RPS3: variants seen among roughly 807,000 people sequenced by gnomAD.
RPS3 encodes small ribosomal subunit protein uS3.
In RPS3, 2 loss-of-function variants were observed where a neutral mutation model predicts 25.8. The ratio of observed to expected loss-of-function variants is 0.08; its 90% confidence interval spans 0.03 to 0.24. The LOEUF (loss-of-function observed/expected upper bound fraction) is 0.24. RPS3 is among the 10% of genes least tolerant of loss of function. The pLI is 1.00. For synonymous variants in RPS3, 114 were observed against 114.2 expected (o/e 1.00, Z 0.01); for missense variants, 107 against 307.1 (o/e 0.35, Z 4.87).
chr11:75,408,063 A>G (rs1268083432), downstream of RPS3, among the ~76,000 whole-genome samples: 1 of 152,252 alleles, frequency 6.6e-6, no homozygotes, highest in Non-Finnish European at 1.5e-5. Flanking sequence ...AATTACCACT[A>G]GGTGGTGCTG....
At chr11:75,401,527 T>G (rs1270769331) in intron 2 of RPS3, 113 bp from the exon 3 acceptor site, 14 of 767,216 alleles carry the variant, frequency 1.8e-5, no homozygotes, top group Non-Finnish European at 2.6e-5. Context: ...TTAGTTTTTG[T>G]CAATGAAAAT....
chr11:75,410,531 C>CATATCCCA (rs1429731235), downstream of RPS3, among the ~76,000 whole-genome samples: 1 of 151,950 alleles, frequency 6.6e-6, no homozygotes, highest in African/African-American at 2.4e-5. Context: ...AGGGGCTCCT[C>CATATCCCA]ATATCCCAGA....
Position 75,404,706 on chromosome 11 carries a change from C to T in RPS3, c.573C>T (p.Pro191=). Residue 191 remains proline (P), a synonymous_variant, in exon 6 of 7, where the codon CCC becomes CCT. Coordinates refer to ENST00000531188, the MANE Select transcript of RPS3 (RefSeq NM_001005.5). The surrounding 1 kb of genome is among the most constrained non-coding windows in gnomAD (Gnocchi z 4.6). ...VLGIKVKIML[P]WDPTGKIGPK... ...GCATCAAGGTGAAGATCATGCTGCC[C>T]TGGGACCCAACTGGTAAGATTGGCC... 1.2e-6 allele frequency: 2 copies of T among 1,613,214 alleles called. No individual in the cohort carries two copies. Among genetic ancestry groups the T allele is most frequent in the East Asian group, 2.2e-5 (1 of 44,870 alleles).
exon 7 of RPS3, chr11:75,422,139 G>C (rs1408445883): frequency 6.2e-6 from 1 of 160,362 alleles, no homozygotes. Context: ...TTATAGGAGA[G>C]GTTGGAGGGA....
At chr11:75,420,942 C>T (rs563264119) in intron 6 of RPS3, among the ~76,000 whole-genome samples, 4 of 152,230 alleles carry the variant, frequency 2.6e-5, no homozygotes, top group Admixed American at 6.5e-5. Context: ...GTAAATGGGG[C>T]GCCCTGCCTG....
rs1190026710 is a variant in RPS3 at position 75,404,975 on chromosome 11, T to G, written c.*3+107T>G. The G allele has an allele frequency of 2.6e-6, 2 of 760,464 alleles. No individual in the cohort carries two copies. Among genetic ancestry groups the G allele is most frequent in the Non-Finnish European group, 4.1e-6 (2 of 491,780 alleles). The allele number at this position is 760,464 out of a possible 1,614,324, so 47.1% of individuals were successfully genotyped here. On this transcript the variant is annotated intron_variant, in intron 6 of 6. Transcript: ENST00000531188. This position sits in a 1 kb window ranked among gnomAD's most constrained non-coding sequence, Gnocchi z 4.6. Reference sequence around the variant, plus strand: ...TGGTAAGCGTTTGGTGAATAAAAATTTCATTTATTTGCTTTATGTGGGAGA... The same window carrying G: ...TGGTAAGCGTTTGGTGAATAAAAATGTCATTTATTTGCTTTATGTGGGAGA...
At position 75,417,586 on chromosome 11, in the gene RPS3, G is replaced by A. The variant is rs551263698; in HGVS notation, c.*4-4141G>A. Among the ~76,000 whole-genome samples, 25 of 152,340 alleles carry A rather than the reference G, an allele frequency of 1.6e-4. No individual in the cohort carries two copies. In the South Asian group the frequency reaches 4.8e-3, roughly 29 times the overall value. The stretch of plus-strand genomic sequence containing the variant: ...CATTCCAGCCTGGGTGACAGAGTGA[G>A]ACTCCGTCACACACACACAAAAATT... On this transcript the variant is annotated intron_variant, in intron 6 of 6. Coordinates refer to the RPS3 transcript ENST00000527446.
intron 3 of RPS3, chr11:75,402,130 G>T: frequency 1.6e-6 from 1 of 613,356 alleles, no homozygotes. Context: ...GGCTACGTTG[G>T]AAGAAGAAAT....
intron 6 of RPS3, among the ~76,000 whole-genome samples, chr11:75,419,243 CT>C (rs1215850120): frequency 6.6e-6 from 1 of 152,170 alleles, no homozygotes; most frequent in Non-Finnish European, 1.5e-5. Flanking sequence ...AACCATGTTT[CT>C]TTTTTGTCTT....
chr11:75,410,542 C>T (rs1239729521), downstream of RPS3, among the ~76,000 whole-genome samples: 1 of 148,030 alleles, frequency 6.8e-6, no homozygotes, highest in African/African-American at 2.5e-5. Context: ...ATATCCCAGA[C>T]GATGGGCGGC....
At position 75,404,691 on chromosome 11, in the gene RPS3, G is replaced by A; in HGVS notation, c.558G>A (p.Val186=). 6.2e-7 allele frequency: 1 copy of A among 1,612,368 alleles called. No homozygotes were observed. The highest frequency in any genetic ancestry group is 1.1e-5 in the South Asian group (1 of 90,856). ...CTCTAGGTGTGCTGGGCATCAAGGTGAAGATCATGCTGCCCTGGGACCCAA... is the reference window on the plus strand; with the variant it reads ...CTCTAGGTGTGCTGGGCATCAAGGTAAAGATCATGCTGCCCTGGGACCCAA... The part of the protein sequence containing the change: ...LLRQGVLGIK[V]KIMLPWDPTG... The change falls in exon 6 of 7, where the codon GTG becomes GTA. Residue 186 remains valine (V), a synonymous_variant. Transcript: ENST00000531188. The surrounding 1 kb of genome is among the most constrained non-coding windows in gnomAD (Gnocchi z 4.6).
rs12277069 is a variant in RPS3 at position 75,417,423 on chromosome 11, G to A, written c.*4-4304G>A. On this transcript the variant is annotated intron_variant, in intron 6 of 6. Coordinates refer to the RPS3 transcript ENST00000527446. ...ATCCTGGCTAACACGGTAAAACCCCGTCTCTACTAAAAATACAAAAAAAAT... is the reference window on the plus strand; with the variant it reads ...ATCCTGGCTAACACGGTAAAACCCCATCTCTACTAAAAATACAAAAAAAAT... Among the ~76,000 whole-genome samples the A allele has an allele frequency of 2.2e-3, 340 of 152,212 alleles. 1 individual carries two copies. The highest frequency in any genetic ancestry group is 7.6e-3 in the African/African-American group (317 of 41,536).
rs1592024448 is a variant in RPS3, at chr11:75,404,598, T to G, written c.539-74T>G. 6.9e-7 allele frequency: 1 copy of G among 1,452,544 alleles called. No homozygotes were observed. Among genetic ancestry groups the G allele is most frequent in the South Asian group, 1.2e-5 (1 of 86,832 alleles). The allele number at this position is 1,452,544 out of a possible 1,614,324, so 90.0% of individuals were successfully genotyped here. A position where few individuals can be genotyped will look rare whatever the true frequency, so the allele number is the denominator to read the frequency against. ...ACCCAGGGGTGCTTGAGTAAACTGC[T>G]TGCTCTCTTTGGTCTTGTGTGATGG... On this transcript the variant is annotated intron_variant, in intron 5 of 6. Coordinates refer to ENST00000531188, the MANE Select transcript of RPS3 (RefSeq NM_001005.5). This position sits in a 1 kb window ranked among gnomAD's most constrained non-coding sequence, Gnocchi z 4.6.
downstream of RPS3, among the ~76,000 whole-genome samples, chr11:75,408,108 A>G (rs1948306573): frequency 6.6e-6 from 1 of 152,238 alleles, no homozygotes; most frequent in Admixed American, 6.5e-5. Context: ...GTAACAGCTT[A>G]GGGAGGAAGA....
chr11:75,408,468 G>A (rs1948309391), downstream of RPS3, among the ~76,000 whole-genome samples: 1 of 149,328 alleles, frequency 6.7e-6, no homozygotes, highest in Admixed American at 6.7e-5. Flanking sequence ...GACAGACCCT[G>A]TCTCAAAAAA....
chr11:75,409,365 A>C (rs193098328), downstream of RPS3, among the ~76,000 whole-genome samples: 3 of 136,148 alleles, frequency 2.2e-5, no homozygotes, highest in Non-Finnish European at 3.1e-5. Flanking sequence ...TGGGTACTTG[A>C]GATTAGGGAG....
At chr11:75,403,343 C>T (rs1948238468) in intron 4 of RPS3, 1 of 152,224 alleles carries the variant, frequency 6.6e-6, no homozygotes, top group Non-Finnish European at 1.5e-5. Context: ...GTTAATGAAC[C>T]TCTCAGCCTG....
chr11:75,415,051 T>G (rs1489851650), intron 6 of RPS3, among the ~76,000 whole-genome samples: 1 of 152,160 alleles, frequency 6.6e-6, no homozygotes, highest in Non-Finnish European at 1.5e-5. Flanking sequence ...CCACCTCCAG[T>G]CAGCCATGCT....
At chr11:75,411,756 T>C (rs759542583), downstream of RPS3, among the ~76,000 whole-genome samples, 2 of 152,190 alleles carry the variant, frequency 1.3e-5, no homozygotes, top group Non-Finnish European at 2.9e-5. Context: ...GGCATTACTC[T>C]TCCAGCCAGG....
Sources: gnomAD v4.1 joint callset for allele counts (sites outside exome capture counted in the v4.1 genomes callset) on GRCh38, gnomAD v4.1.1 for gene constraint, Gnocchi (gnomAD v3.1) non-coding constraint, MANE v1.5 for transcripts, NCBI Gene and HGNC (gene_info 2026-07-23, HGNC 2026-07-21) for gene names.